The following ARHGAP32 variants were observed in gnomAD, a reference collection of about 807,000 sequenced individuals.
ARHGAP32 encodes rho GTPase-activating protein 32.
In ARHGAP32, 51 loss-of-function variants were observed where a neutral mutation model predicts 186.5. That is an observed-to-expected ratio of 0.27 (90% CI 0.22 to 0.35). ARHGAP32 has a LOEUF of 0.35. ARHGAP32 is among the 10% of genes least tolerant of loss of function. The pLI, the probability that ARHGAP32 is intolerant of heterozygous loss-of-function variation, is 1.00. For synonymous variants in ARHGAP32, 950 were observed against 964.3 expected, an observed-to-expected ratio of 0.99 and a Z score of 0.27; for missense variants, 2,186 against 2,623.5, an observed-to-expected ratio of 0.83 and a Z score of 3.64.
chr11:129,045,658 T>C (rs1939776830), intron 10 of ARHGAP32, among the ~76,000 whole-genome samples: 1 of 152,250 alleles, frequency 6.6e-6, no homozygotes, highest in Non-Finnish European at 1.5e-5. Context: ...AAAAAGTGAC[T>C]GGAACTCTGA....
intron 1 of ARHGAP32, among the ~76,000 whole-genome samples, chr11:129,190,878 C>A (rs763395518): frequency 1.3e-5 from 2 of 152,014 alleles, no homozygotes; most frequent in African/African-American, 4.8e-5. Flanking sequence ...ATTTGAAAGG[C>A]TAGATAAAAT....
Position 129,121,506 on chromosome 11 carries a change from AAAG to A in ARHGAP32, c.444+1937_444+1939del, listed in dbSNP as rs1942528178. Among the ~76,000 whole-genome samples the A allele has an allele frequency of 3.3e-5, 5 of 152,150 alleles. No individual in the cohort carries two copies. In the South Asian group the frequency reaches 1.0e-3, roughly 32 times the overall value. On this transcript the variant is annotated intron_variant, in intron 5 of 22. Transcript: ENST00000682385. ...GCCAAGTAGAGGACCATAAACACAG[AAAG>A]AAGATTCTGGTGTGGACTGGCAAGG...
chr11:129,052,676 T>C (rs984788303), intron 10 of ARHGAP32, among the ~76,000 whole-genome samples: 5 of 152,156 alleles, frequency 3.3e-5, no homozygotes, highest in African/African-American at 4.8e-5. Flanking sequence ...TTTTATACAT[T>C]TTCTGACTGA....
intron 2 of ARHGAP32, among the ~76,000 whole-genome samples, chr11:129,162,733 G>A (rs1194378623): frequency 1.3e-5 from 2 of 152,148 alleles, no homozygotes; most frequent in African/African-American, 4.8e-5. Context: ...ATATTTCTTG[G>A]TGAACTTAAT....
chr11:129,003,534 C>A (rs552946192), intron 11 of ARHGAP32, among the ~76,000 whole-genome samples: 1 of 152,180 alleles, frequency 6.6e-6, no homozygotes, highest in Admixed American at 6.5e-5. Context: ...TGCTGGGAGA[C>A]TTTTTATTAT....
intron 5 of ARHGAP32, among the ~76,000 whole-genome samples, chr11:129,121,283 G>A (rs2135375256): frequency 6.6e-6 from 1 of 152,120 alleles, no homozygotes; most frequent in South Asian, 2.1e-4. Context: ...AAGCATGTAA[G>A]TCAAGCCAGG....
chr11:129,063,055 T>TATATA (rs1940565661), intron 9 of ARHGAP32, among the ~76,000 whole-genome samples: 1 of 132,462 alleles, frequency 7.5e-6, no homozygotes, highest in African/African-American at 2.7e-5. Flanking sequence ...TATTCTTCAA[T>TATATA]CAAAAGAAAT....
intron 2 of ARHGAP32, among the ~76,000 whole-genome samples, chr11:129,137,149 A>T (rs1371509654): frequency 6.6e-6 from 1 of 151,974 alleles, no homozygotes; most frequent in Non-Finnish European, 1.5e-5. Flanking sequence ...ACTGAAAAAA[A>T]AAAGCATGGT....
chr11:129,016,297 C>T (rs1938334460), intron 11 of ARHGAP32, among the ~76,000 whole-genome samples: 1 of 152,120 alleles, frequency 6.6e-6, no homozygotes, highest in African/African-American at 2.4e-5. Context: ...TAAAGACTGA[C>T]TCCAAGTCTA....
intron 1 of ARHGAP32, among the ~76,000 whole-genome samples, chr11:129,246,212 C>A (rs1945095196): frequency 6.6e-6 from 1 of 152,070 alleles, no homozygotes; most frequent in South Asian, 2.1e-4. Context: ...AAGAGGGGTC[C>A]CCCTCATGTC....
At chr11:129,034,784 C>T (rs1269493562) in intron 11 of ARHGAP32, among the ~76,000 whole-genome samples, 11 of 144,688 alleles carry the variant, frequency 7.6e-5, no homozygotes, top group African/African-American at 2.5e-4. Flanking sequence ...CGTGCCACTG[C>T]ACTCTGGCCT....
At position 128,972,731 on chromosome 11, in the gene ARHGAP32, T is replaced by C; in HGVS notation, c.3775A>G (p.Ile1259Val). ...TCGGGGGACCCAGAAGGAGGGTAGA[T>C]TTTATCGCTAGGTAAATTAGGAGGT... ...PTPPNLPSDK[I>V]YPPSGSPEEN... is the part of the protein sequence containing the mutation. Residue 1259 changes from isoleucine to valine, a missense_variant, in exon 22 of 23, where the codon ATC (isoleucine) becomes GTC (valine). Ile to Val is a conservative substitution (Grantham distance 29, BLOSUM62 3). Around this residue, in one of 5 missense-constraint regions of ARHGAP32, gnomAD observed 1,502 missense variants for 1,570.0 expected, o/e 0.96. Coordinates refer to ENST00000682385, the MANE Select transcript of ARHGAP32 (RefSeq NM_001378024.1). The C allele has an allele frequency of 6.2e-7, 1 of 1,613,954 alleles. No homozygotes were observed. The highest frequency in any genetic ancestry group is 8.5e-7 in the Non-Finnish European group (1 of 1,179,994).
intron 1 of ARHGAP32, among the ~76,000 whole-genome samples, chr11:129,185,551 T>G (rs1944142673): frequency 6.6e-6 from 1 of 152,128 alleles, no homozygotes; most frequent in Non-Finnish European, 1.5e-5. Context: ...TGTATACATA[T>G]GTAACAAACC....
chr11:128,979,451 A>G (rs1429089689), intron 18 of ARHGAP32, among the ~76,000 whole-genome samples: 1 of 152,200 alleles, frequency 6.6e-6, no homozygotes, highest in Non-Finnish European at 1.5e-5. Flanking sequence ...TTATGACACT[A>G]AGAAGTTCAA....
At chr11:128,982,036 G>A in intron 15 of ARHGAP32, 100 bp from the exon 16 acceptor site, 1 of 702,922 alleles carries the variant, frequency 1.4e-6, no homozygotes. Flanking sequence ...ATAGCAAAAT[G>A]AAGAAAGGGA....
At chr11:128,986,493 A>G (rs1355774398) in intron 14 of ARHGAP32, 31 bp downstream of exon 14, 1 of 1,610,508 alleles carries the variant, frequency 6.2e-7, no homozygotes, top group Non-Finnish European at 8.5e-7. Context: ...AGTTCCACAA[A>G]GAATTAGATT....
chr11:129,182,770 A>T (rs1944083515), intron 1 of ARHGAP32, among the ~76,000 whole-genome samples: 1 of 151,704 alleles, frequency 6.6e-6, no homozygotes, highest in African/African-American at 2.4e-5. Flanking sequence ...CAGTCTCCTG[A>T]GTACCTGGGA....
chr11:129,214,422 T>G (rs1944619541), intron 1 of ARHGAP32, among the ~76,000 whole-genome samples: 1 of 152,204 alleles, frequency 6.6e-6, no homozygotes, highest in African/African-American at 2.4e-5. Flanking sequence ...ATAAAAATGT[T>G]TTTTAATTGC....
intron 6 of ARHGAP32, among the ~76,000 whole-genome samples, chr11:129,071,133 A>G (rs1243017738): frequency 2.6e-5 from 4 of 152,160 alleles, no homozygotes; most frequent in African/African-American, 9.6e-5. Flanking sequence ...TTGAATGTAT[A>G]CTGATGTTAT....
Sources: allele counts gnomAD v4.1 joint callset (sites outside exome capture counted in the v4.1 genomes callset), GRCh38; gene constraint gnomAD v4.1.1; regional missense constraint gnomAD v4.1.1; transcripts MANE v1.5; gene names NCBI Gene and HGNC (gene_info 2026-07-23, HGNC 2026-07-21).